GIGYF2: variants seen among roughly 807,000 people sequenced by gnomAD.
The protein encoded by GIGYF2 is GRB10-interacting GYF protein 2.
A neutral mutation model predicts 208.1 loss-of-function variants in GIGYF2; 25 were observed. The observed-to-expected ratio is 0.12, with a 90% CI of 0.09 to 0.17. The LOEUF (loss-of-function observed/expected upper bound fraction) is 0.17, where lower values mean the gene tolerates loss of function less well. Ranked by LOEUF, GIGYF2 falls within the 10% of genes least tolerant of loss-of-function variation. GIGYF2 has a pLI of 1.00. For missense variants in GIGYF2, 1,302 were observed against 1,579.4 expected (o/e 0.82, Z 2.98); for synonymous variants, 534 against 543.8 (o/e 0.98, Z 0.25).
At chr2:232,812,331 CTTTTTTT>C in intron 17 of GIGYF2, 53 bp from the exon 18 acceptor site, 1 of 701,038 alleles carries the variant, frequency 1.4e-6, no homozygotes, top group Non-Finnish European at 2.6e-6. Flanking sequence ...TCCTCTTCAT[CTTTTTTT>C]TTTTTTCCTG....
chr2:232,783,166 G>A (rs1256641935), intron 8 of GIGYF2, among the ~76,000 whole-genome samples: 1 of 152,152 alleles, frequency 6.6e-6, no homozygotes. Context: ...AAACAACCTT[G>A]TGATTCTCAA....
chr2:232,822,939 G>A (rs890392720), intron 21 of GIGYF2, among the ~76,000 whole-genome samples: 2 of 152,026 alleles, frequency 1.3e-5, no homozygotes, highest in African/African-American at 4.8e-5. Flanking sequence ...TCCAGTATTG[G>A]GGTGAAAATG....
In GIGYF2 at chr2:232,860,095, T is replaced by C. The variant is rs1420991754; in HGVS notation, c.*3235T>C. 1 of 152,200 alleles carries C rather than the reference T, an allele frequency of 6.6e-6. No individual in the cohort carries two copies. Among genetic ancestry groups the C allele is most frequent in the African/African-American group, 2.4e-5 (1 of 41,452 alleles). 9.4% of individuals were successfully genotyped at this position (152,200 alleles called of 1,614,324 possible). ...ATATTATAGCCATTTTTGGGAAATA[T>C]CTGCATAAAATGAGTTTATGCATAC... On this transcript the variant is annotated 3_prime_UTR_variant, in exon 29 of 29. Coordinates refer to ENST00000373563, the MANE Select transcript of GIGYF2 (RefSeq NM_001103146.3).
chr2:232,851,066 G>A lies in GIGYF2; in HGVS notation c.3832+657G>A, dbSNP rs1016021999. On this transcript the variant is annotated intron_variant, in intron 28 of 28. Transcript: ENST00000373563. ...GGACCATGCAAGGCAGGCTGGGCAC[G>A]GTGGCTCACTTTGGGAAGCTGAGGT... Among the ~76,000 whole-genome samples the A allele has an allele frequency of 3.9e-5, 6 of 152,224 alleles. No individual in the cohort carries two copies. In the East Asian group the frequency reaches 7.7e-4, roughly 20 times the overall value.
rs7603981 is a variant in GIGYF2 at position 232,796,022 on chromosome 2, G to A, written c.1480-40G>A. On this transcript the variant is annotated intron_variant, in intron 13 of 28. Coordinates refer to ENST00000373563, the MANE Select transcript of GIGYF2 (RefSeq NM_001103146.3). ...TATTATGTGTACAAGTACTAATTTAGGATCATTTGTTTCCTTGATTTTTGT... is the reference window on the plus strand; with the variant it reads ...TATTATGTGTACAAGTACTAATTTAAGATCATTTGTTTCCTTGATTTTTGT... The A allele has an allele frequency of 1.1e-3, 1,689 of 1,497,092 alleles. 13 individuals are homozygous for A. In the African/African-American group the frequency reaches 0.013, roughly 11 times the overall value. The allele number at this position is 1,497,092 out of a possible 1,614,324, so 92.7% of individuals were successfully genotyped here. A position where few individuals can be genotyped will look rare whatever the true frequency, so the allele number is the denominator to read the frequency against.
In GIGYF2 at chr2:232,799,552, A is replaced by AAATAATAAT. The variant is rs55730253; in HGVS notation, c.1639+3357_1639+3365dup. ...GTGACACAGCAAGACCCTGTCTTTA[A>AAATAATAAT]AATAATAATAATAATAATAATAATA... is the stretch of plus-strand genomic sequence containing the variant. On this transcript the variant is annotated intron_variant, in intron 14 of 28. Transcript: ENST00000373563. Among the ~76,000 whole-genome samples, 949 of 146,846 alleles carry AAATAATAAT rather than the reference A, an allele frequency of 6.5e-3. 10 individuals are homozygous for AAATAATAAT. Among genetic ancestry groups the AAATAATAAT allele is most frequent in the African/African-American group, 0.022 (873 of 39,720 alleles).
At chr2:232,808,902 T>C (rs193000719) in intron 15 of GIGYF2, among the ~76,000 whole-genome samples, 21 of 152,278 alleles carry the variant, frequency 1.4e-4, no homozygotes, top group Admixed American at 1.3e-3. Flanking sequence ...GAGAGAGTTA[T>C]AGTTATCAAA....
chr2:232,780,024 G>A (rs1408410596), intron 8 of GIGYF2, among the ~76,000 whole-genome samples: 1 of 152,124 alleles, frequency 6.6e-6, no homozygotes, highest in South Asian at 2.1e-4. Flanking sequence ...ACATAAACAA[G>A]CTTCAAAGTC....
chr2:232,771,671 A>G (rs947033886), intron 8 of GIGYF2, among the ~76,000 whole-genome samples: 22 of 152,252 alleles, frequency 1.4e-4, no homozygotes, highest in African/African-American at 4.3e-4. Context: ...GGTAGAGATT[A>G]TATACCCCTG....
At chr2:232,787,471 C>T in intron 9 of GIGYF2, 142 bp downstream of exon 9, 2 of 771,204 alleles carry the variant, frequency 2.6e-6, no homozygotes, top group Non-Finnish European at 4.2e-6. Context: ...AGTTTTATTA[C>T]TAGAAAAAAT....
At position 232,860,458 on chromosome 2, in the gene GIGYF2, T is replaced by C. The variant is rs1180122905; in HGVS notation, c.*3598T>C. 2 of 149,730 alleles carry C rather than the reference T, an allele frequency of 1.3e-5. No individual in the cohort carries two copies. The highest frequency in any genetic ancestry group is 2.4e-5 in the African/African-American group (1 of 41,014). The allele number at this position is 149,730 out of a possible 1,614,324, so 9.3% of individuals were successfully genotyped here. A position where few individuals can be genotyped will look rare whatever the true frequency, so the allele number is the denominator to read the frequency against. On this transcript the variant is annotated 3_prime_UTR_variant, in exon 29 of 29. Coordinates refer to ENST00000373563, the MANE Select transcript of GIGYF2 (RefSeq NM_001103146.3). ...TTTCAATATATATATAATATATACA[T>C]ATATGTTATATACGTATATATATTG...
At chr2:232,840,180 CTG>C (rs1701774362) in intron 23 of GIGYF2, among the ~76,000 whole-genome samples, 1 of 152,214 alleles carries the variant, frequency 6.6e-6, no homozygotes, top group African/African-American at 2.4e-5. Context: ...AGTAACATAA[CTG>C]TTCAGTTTTC....
chr2:232,826,640 C>A (rs1701253702), intron 21 of GIGYF2, among the ~76,000 whole-genome samples: 1 of 152,086 alleles, frequency 6.6e-6, no homozygotes, highest in African/African-American at 2.4e-5. Context: ...ACCCATCTGA[C>A]AAAGGGCTAA....
chr2:232,851,304 C>A (rs146050803), intron 28 of GIGYF2, among the ~76,000 whole-genome samples: 56 of 152,168 alleles, frequency 3.7e-4, no homozygotes, highest in Admixed American at 1.6e-3. Context: ...GAAAAGGTGA[C>A]ATCTGAATTT....
chr2:232,726,199 C>A (rs570027134), intron 2 of GIGYF2, among the ~76,000 whole-genome samples: 2 of 152,014 alleles, frequency 1.3e-5, no homozygotes, highest in East Asian at 3.9e-4. Context: ...CAAAACCCTG[C>A]CTCTACTAAA....
Position 232,857,203 on chromosome 2 carries a change from T to A in GIGYF2, c.*343T>A. ...GTGTTGGGATCGGCCATTAGCAGCT[T>A]GCTTTCTCTTGTCACTTTTTTTCTT... On this transcript the variant is annotated 3_prime_UTR_variant, in exon 29 of 29. Transcript: ENST00000373563. 1 of 383,854 alleles carries A rather than the reference T, an allele frequency of 2.6e-6. No individual in the cohort carries two copies. Among genetic ancestry groups the A allele is most frequent in the Non-Finnish European group, 4.8e-6 (1 of 207,682 alleles). 23.8% of individuals were successfully genotyped at this position (383,854 alleles called of 1,614,324 possible).
intron 2 of GIGYF2, among the ~76,000 whole-genome samples, chr2:232,714,866 C>A (rs1056306718): frequency 6.6e-6 from 1 of 151,822 alleles, no homozygotes; most frequent in Admixed American, 6.6e-5. Flanking sequence ...AAATGTGTGT[C>A]ATGGGGGTTT....
chr2:232,833,841 G>A (rs1438644850), intron 22 of GIGYF2, among the ~76,000 whole-genome samples: 1 of 152,048 alleles, frequency 6.6e-6, no homozygotes, highest in African/African-American at 2.4e-5. Context: ...ACATTAAGAG[G>A]TGATATATAC....
intron 20 of GIGYF2, 125 bp from the exon 21 acceptor site, chr2:232,819,702 T>C: frequency 1.6e-6 from 1 of 642,060 alleles, no homozygotes; most frequent in Non-Finnish European, 2.8e-6. Flanking sequence ...ATGATTACTT[T>C]TATGTTTACT....
Sources: allele counts gnomAD v4.1 joint callset (sites outside exome capture counted in the v4.1 genomes callset), GRCh38; gene constraint gnomAD v4.1.1; transcripts MANE v1.5; gene names NCBI Gene and HGNC (gene_info 2026-07-23, HGNC 2026-07-21).